The following CAST variants were observed in gnomAD, a reference collection of about 807,000 sequenced individuals.
The protein encoded by CAST is MIR583 host.
Under a neutral mutation model 119.6 loss-of-function variants are expected in CAST, and 76 were observed. The observed-to-expected ratio is 0.64, with a 90% CI of 0.53 to 0.77. The LOEUF (loss-of-function observed/expected upper bound fraction) is 0.77, where lower values mean the gene tolerates loss of function less well. Ranked by LOEUF, CAST falls within the 30% of genes least tolerant of loss-of-function variation. The pLI is 0.00. For missense variants in CAST, 953 were observed against 946.5 expected, an observed-to-expected ratio of 1.01 and a Z score of -0.09; for synonymous variants, 319 against 331.6, an observed-to-expected ratio of 0.96 and a Z score of 0.41.
chr5:96,275,559 C>T, the CAST span, among the ~76,000 whole-genome samples: 3 of 152,168 alleles, frequency 2.0e-5, no homozygotes, highest in Non-Finnish European at 4.4e-5. Context: ...TCCCTGTCTC[C>T]ACCTCCTTTC....
At chr5:96,392,838 G>A in the CAST span, 1 of 716,404 alleles carries the variant, frequency 1.4e-6, no homozygotes, top group Non-Finnish European at 2.4e-6. Context: ...TCCTGCTTGA[G>A]CTCATCCCCT....
At chr5:96,222,859 C>T in the CAST span, among the ~76,000 whole-genome samples, 1 of 152,080 alleles carries the variant, frequency 6.6e-6, no homozygotes, top group Admixed American at 6.6e-5. Context: ...ATGGAATCAA[C>T]CTAAGTGTCC....
chr5:96,279,010 A>C, the CAST span, among the ~76,000 whole-genome samples: 1 of 152,260 alleles, frequency 6.6e-6, no homozygotes, highest in African/African-American at 2.4e-5. Context: ...ATGCTATATC[A>C]GAAGGATGGA....
At chr5:96,446,208 G>A in the CAST span, among the ~76,000 whole-genome samples, 9 of 149,948 alleles carry the variant, frequency 6.0e-5, no homozygotes, top group East Asian at 3.9e-4. Flanking sequence ...ACAGAACTCC[G>A]TAGATTACCT....
At chr5:96,584,279 T>G (rs1430827909) in intron 1 of CAST, among the ~76,000 whole-genome samples, 1 of 152,174 alleles carries the variant, frequency 6.6e-6, no homozygotes, top group Non-Finnish European at 1.5e-5. Flanking sequence ...CCGATGATGA[T>G]CTGACAGGGG....
chr5:96,671,182 A>G (rs1750019680), intron 1 of CAST, among the ~76,000 whole-genome samples: 1 of 151,988 alleles, frequency 6.6e-6, no homozygotes, highest in African/African-American at 2.4e-5. Context: ...TGGAGCACAT[A>G]CCACCTTCAT....
chr5:96,253,659 T>G, the CAST span, among the ~76,000 whole-genome samples: 1 of 152,088 alleles, frequency 6.6e-6, no homozygotes, highest in African/African-American at 2.4e-5. Context: ...ACATAAACAC[T>G]AAATATTACT....
chr5:96,137,373 T>G, the CAST span, among the ~76,000 whole-genome samples: 110 of 152,276 alleles, frequency 7.2e-4, no homozygotes, highest in African/African-American at 2.5e-3. Context: ...TAATATTCCA[T>G]TATATGGATA....
chr5:96,338,093 A>G, the CAST span, among the ~76,000 whole-genome samples: 266 of 152,338 alleles, frequency 1.7e-3, no homozygotes, highest in African/African-American at 6.3e-3. Context: ...AACAGTGTCC[A>G]TGTTTTTATT....
At chr5:96,368,407 G>A in the CAST span, among the ~76,000 whole-genome samples, 9 of 151,698 alleles carry the variant, frequency 5.9e-5, no homozygotes, top group Admixed American at 1.3e-4. Context: ...GGCTGAGGCA[G>A]GAGAATCCTT....
the CAST span, among the ~76,000 whole-genome samples, chr5:96,149,107 A>C: frequency 1.3e-5 from 2 of 152,336 alleles, no homozygotes; most frequent in African/African-American, 4.8e-5. Context: ...CTTGGCTTTG[A>C]CTTGGCGTAT....
chr5:96,024,600 C>T, the CAST span, among the ~76,000 whole-genome samples: 1 of 151,946 alleles, frequency 6.6e-6, no homozygotes, highest in African/African-American at 2.4e-5. Flanking sequence ...TTGAAGTATG[C>T]TTTTTACAGC....
intron 1 of CAST, among the ~76,000 whole-genome samples, chr5:96,618,541 G>C (rs185367024): frequency 2.0e-5 from 3 of 152,238 alleles, no homozygotes; most frequent in African/African-American, 4.8e-5. Flanking sequence ...CCGGGGCTGC[G>C]CATGGCGCTC....
At chr5:96,368,138 T>A in the CAST span, among the ~76,000 whole-genome samples, 46 of 152,058 alleles carry the variant, frequency 3.0e-4, no homozygotes, top group African/African-American at 1.1e-3. Flanking sequence ...TTTCCTTTCC[T>A]TCCCTTCCCT....
chr5:96,542,115 C>A (rs1017419232), intron 1 of CAST, among the ~76,000 whole-genome samples: 2 of 152,044 alleles, frequency 1.3e-5, no homozygotes, highest in African/African-American at 4.8e-5. Context: ...TCGAGACCAT[C>A]CTGGCTAACA....
chr5:96,255,936 T>C, the CAST span, among the ~76,000 whole-genome samples: 1 of 152,192 alleles, frequency 6.6e-6, no homozygotes, highest in East Asian at 1.9e-4. Flanking sequence ...CAAAATAAAG[T>C]CTTTGGGACC....
the CAST span, among the ~76,000 whole-genome samples, chr5:96,444,655 A>G: frequency 5.3e-5 from 8 of 151,930 alleles, no homozygotes; most frequent in Non-Finnish European, 1.0e-4. Flanking sequence ...TGTTCCTTTT[A>G]ATTTCTTCCT....
chr5:96,723,386 C>A (rs919475337), intron 4 of CAST, among the ~76,000 whole-genome samples: 20 of 152,068 alleles, frequency 1.3e-4, no homozygotes, highest in Non-Finnish European at 2.1e-4. Flanking sequence ...CTAAAATGGT[C>A]TTACTATTCT....
At chr5:96,253,646 A>G in the CAST span, among the ~76,000 whole-genome samples, 18 of 152,248 alleles carry the variant, frequency 1.2e-4, no homozygotes, top group African/African-American at 4.3e-4. Flanking sequence ...CATAGTGCCT[A>G]GTACATAAAC....
Sources: gnomAD v4.1 joint callset for allele counts (sites outside exome capture counted in the v4.1 genomes callset) on GRCh38, gnomAD v4.1.1 for gene constraint, MANE v1.5 for transcripts, NCBI Gene and HGNC (gene_info 2026-07-23, HGNC 2026-07-21) for gene names.